Variants in SCAMP5 observed in about 807,000 individuals in gnomAD.
SCAMP5 encodes the protein secretory carrier membrane protein 5, also known as secretory carrier-associated membrane protein 5.
A neutral mutation model predicts 28.3 loss-of-function variants in SCAMP5; 7 were observed. The observed-to-expected ratio is 0.25, with a 90% CI of 0.14 to 0.46. The LOEUF (loss-of-function observed/expected upper bound fraction) is 0.46. Among genes scored for constraint, SCAMP5 ranks in the 20% least tolerant of loss-of-function variants. The probability of loss-of-function intolerance (pLI) is 0.99; values close to 1 mark genes in which losing one functional copy is unlikely to be tolerated. For missense variants in SCAMP5, 192 were observed against 312.5 expected, an observed-to-expected ratio of 0.61 and a Z score of 2.91; for synonymous variants, 117 against 116.4, an observed-to-expected ratio of 1.00 and a Z score of -0.03.
intron 1 of SCAMP5, among the ~76,000 whole-genome samples, chr15:74,998,946 A>G (rs1206480038): frequency 1.3e-5 from 2 of 151,420 alleles, no homozygotes; most frequent in African/African-American, 4.9e-5. Context: ...TAGGGAGAAG[A>G]CTCCTCCTTT....
chr15:75,019,295 G>T lies in SCAMP5; in HGVS notation c.*312G>T. On this transcript the variant is annotated 3_prime_UTR_variant, in exon 7 of 7. Transcript: ENST00000425597. ...TTGTGGTGCTAGATGTGTGTTTAGA[G>T]CTAAACCAGCCCCCACCCCCACCCT... 1 of 180,586 alleles carries T rather than the reference G, an allele frequency of 5.5e-6. No homozygotes were observed. The highest frequency in any genetic ancestry group is 1.1e-5 in the Non-Finnish European group (1 of 87,286). The allele number at this position is 180,586 out of a possible 1,614,324, so 11.2% of individuals were successfully genotyped here. A position where few individuals can be genotyped will look rare whatever the true frequency, so the allele number is the denominator to read the frequency against.
rs2065895666 is a variant in SCAMP5, at chr15:75,020,379, A to G, written c.*1396A>G. ...GGGCACTTGAACTCAGGGCCCAAGC[A>G]GAAGCACAGGCCCAGTCCTGGCTGC... On this transcript the variant is annotated 3_prime_UTR_variant, in exon 7 of 7. Coordinates refer to ENST00000425597, the MANE Select transcript of SCAMP5 (RefSeq NM_138967.4). 6.5e-6 allele frequency: 1 copy of G among 152,674 alleles called. No individual in the cohort carries two copies. Among genetic ancestry groups the G allele is most frequent in the African/African-American group, 2.4e-5 (1 of 41,446 alleles). 9.5% of individuals were successfully genotyped at this position (152,674 alleles called of 1,614,324 possible). A position where few individuals can be genotyped will look rare whatever the true frequency, so the allele number is the denominator to read the frequency against.
intron 1 of SCAMP5, among the ~76,000 whole-genome samples, chr15:75,010,355 G>A (rs1476069885): frequency 6.6e-6 from 1 of 152,090 alleles, no homozygotes; most frequent in Non-Finnish European, 1.5e-5. Flanking sequence ...ATCCACTCGG[G>A]GTTAAGTGGG....
At chr15:75,002,097 C>A (rs1407656915) in intron 1 of SCAMP5, among the ~76,000 whole-genome samples, 1 of 151,852 alleles carries the variant, frequency 6.6e-6, no homozygotes. Context: ...TAGAGTGAGA[C>A]CCTGTCTCAA....
Position 75,020,261 on chromosome 15 carries a change from G to A in SCAMP5, c.*1278G>A, listed in dbSNP as rs2065894595. 6.5e-6 allele frequency: 1 copy of A among 152,984 alleles called. No individual in the cohort carries two copies. The highest frequency in any genetic ancestry group is 6.5e-5 in the Admixed American group (1 of 15,272). The allele number at this position is 152,984 out of a possible 1,614,324, so 9.5% of individuals were successfully genotyped here. ...GACAGGGCTCAGAGGGCTAGGCACG[G>A]AGGGAAGGTCAGAGGAGAAGGCAGG... On this transcript the variant is annotated 3_prime_UTR_variant, in exon 7 of 7. Coordinates refer to ENST00000425597, the MANE Select transcript of SCAMP5 (RefSeq NM_138967.4).
chr15:74,998,679 C>T (rs2065674567), intron 1 of SCAMP5, among the ~76,000 whole-genome samples: 1 of 152,018 alleles, frequency 6.6e-6, no homozygotes, highest in Admixed American at 6.6e-5. Context: ...CCCCCACCCC[C>T]CATTTCAAAG....
intron 4 of SCAMP5, 83 bp downstream of exon 4, chr15:75,016,832 T>C: frequency 1.8e-5 from 13 of 710,594 alleles, no homozygotes; most frequent in Admixed American, 3.9e-5. Context: ...CTCACTTCTT[T>C]TTTTTTTTTT....
In SCAMP5 at chr15:75,018,746, T is replaced by C; in HGVS notation, c.514-43T>C. 6.8e-7 allele frequency: 1 copy of C among 1,481,024 alleles called. No homozygotes were observed. Among genetic ancestry groups the C allele is most frequent in the Non-Finnish European group, 9.4e-7 (1 of 1,065,662 alleles). The allele number at this position is 1,481,024 out of a possible 1,614,324, so 91.7% of individuals were successfully genotyped here. On this transcript the variant is annotated intron_variant, in intron 6 of 6. Coordinates refer to ENST00000425597, the MANE Select transcript of SCAMP5 (RefSeq NM_138967.4). The surrounding 1 kb of genome is among the most constrained non-coding windows in gnomAD (Gnocchi z 5.6). ...CCATCTATTTCCTGGATGGGCTGCC[T>C]TTTCTCTTTGATTAACCCTTCTTTA...
intron 2 of SCAMP5, 146 bp downstream of exon 2, chr15:75,011,992 C>T (rs915836659): frequency 1.7e-6 from 1 of 601,858 alleles, no homozygotes; most frequent in Non-Finnish European, 3.0e-6. Context: ...ACTCTCTCCA[C>T]TGAGGCCTGT....
At chr15:75,012,356 C>T (rs565556931) in intron 2 of SCAMP5, among the ~76,000 whole-genome samples, 9 of 152,342 alleles carry the variant, frequency 5.9e-5, no homozygotes, top group East Asian at 1.9e-4. Flanking sequence ...CTCACACATC[C>T]GCTTCTTCTG....
At position 75,020,184 on chromosome 15, in the gene SCAMP5, C is replaced by T. The variant is rs1388795575; in HGVS notation, c.*1201C>T. On this transcript the variant is annotated 3_prime_UTR_variant, in exon 7 of 7. Transcript: ENST00000425597. ...CACAGTGAGGCATTTAGGTATCTCTCGGTGACCGTTGGATTCCTGGAAGCA... is the reference window on the plus strand; with the variant it reads ...CACAGTGAGGCATTTAGGTATCTCTTGGTGACCGTTGGATTCCTGGAAGCA... 6.6e-6 allele frequency: 1 copy of T among 152,428 alleles called. No homozygotes were observed. Among genetic ancestry groups the T allele is most frequent in the Non-Finnish European group, 1.5e-5 (1 of 68,314 alleles). The allele number at this position is 152,428 out of a possible 1,614,324, so 9.4% of individuals were successfully genotyped here.
Position 74,996,551 on chromosome 15 carries a change from G to A in SCAMP5, c.-49+878G>A, listed in dbSNP as rs1184643447. ...GAATAGGAGACTTCCAGAGGTGATG[G>A]GATTTGGGTGGGAGGAGAGGCAAGA... On this transcript the variant is annotated intron_variant, in intron 1 of 6. Transcript: ENST00000425597. The surrounding 1 kb of genome is among the most constrained non-coding windows in gnomAD (Gnocchi z 4.1). 6.6e-6 allele frequency among the ~76,000 whole-genome samples: 1 copy of A among 152,182 alleles called. No homozygotes were observed. Among genetic ancestry groups the A allele is most frequent in the Non-Finnish European group, 1.5e-5 (1 of 68,030 alleles).
Position 75,011,818 on chromosome 15 carries a change from C to A in SCAMP5, c.-22C>A. On this transcript the variant is annotated 5_prime_UTR_variant, in exon 2 of 7. Transcript: ENST00000425597. The stretch of plus-strand genomic sequence containing the variant: ...TCAGGACAAAGAGGTGTGGGCAGGC[C>A]ACTGGGCCAGCTGGTAACATCATGG... 6.2e-7 allele frequency: 1 copy of A among 1,611,466 alleles called. No homozygotes were observed. Among genetic ancestry groups the A allele is most frequent in the Non-Finnish European group, 8.5e-7 (1 of 1,177,836 alleles).
At chr15:75,003,639 G>T (rs759560302) in intron 1 of SCAMP5, among the ~76,000 whole-genome samples, 1 of 151,906 alleles carries the variant, frequency 6.6e-6, no homozygotes, top group Non-Finnish European at 1.5e-5. Context: ...GCGAGACCTC[G>T]TCTCTACAAA....
chr15:74,997,560 G>A (rs986090523), intron 1 of SCAMP5, among the ~76,000 whole-genome samples: 2 of 152,180 alleles, frequency 1.3e-5, no homozygotes, highest in African/African-American at 2.4e-5. Flanking sequence ...TTTTTGGAAA[G>A]GCTTCCCAGA....
chr15:74,995,606 G>T lies in SCAMP5; in HGVS notation c.-116G>T, dbSNP rs1035212298. On this transcript the variant is annotated 5_prime_UTR_variant, in exon 1 of 7. Transcript: ENST00000425597. ...AGCGGCTCGCGGCCGGCTCCGCGCC[G>T]CATCGCTCGGGTGCAGCGCAGCTCA... 3.5e-5 allele frequency: 5 copies of T among 144,848 alleles called. No homozygotes were observed. The East Asian group carries it at 8.8e-4, about 26-fold the overall frequency. 9.0% of individuals were successfully genotyped at this position (144,848 alleles called of 1,614,324 possible).
intron 4 of SCAMP5, among the ~76,000 whole-genome samples, chr15:75,017,383 G>A (rs2065868072): frequency 1.3e-5 from 2 of 152,222 alleles, no homozygotes; most frequent in South Asian, 4.2e-4. Flanking sequence ...TGCTAATGGG[G>A]CCTTAAATCT....
chr15:75,011,453 C>T (rs2065810912), intron 1 of SCAMP5, among the ~76,000 whole-genome samples: 1 of 152,192 alleles, frequency 6.6e-6, no homozygotes, highest in Non-Finnish European at 1.5e-5. Flanking sequence ...AGCCTGTGAC[C>T]AAGGCCGAGG....
Position 75,012,554 on chromosome 15 carries a change from G to A in SCAMP5, c.8-123G>A, listed in dbSNP as rs1291191628. The A allele has an allele frequency of 3.4e-6, 4 of 1,175,696 alleles. No homozygotes were observed. The East Asian group carries it at 7.0e-5, about 21-fold the overall frequency. 72.8% of individuals were successfully genotyped at this position (1,175,696 alleles called of 1,614,324 possible). ...CGGGGAGGTAGGGACGGCTGGGTGG[G>A]GAAAGCAGAGTGGCCGGTGGCCACA... On this transcript the variant is annotated intron_variant, in intron 2 of 6. Coordinates refer to ENST00000425597, the MANE Select transcript of SCAMP5 (RefSeq NM_138967.4).
Sources: allele counts gnomAD v4.1 joint callset (sites outside exome capture counted in the v4.1 genomes callset), GRCh38; gene constraint gnomAD v4.1.1; non-coding constraint Gnocchi (gnomAD v3.1); transcripts MANE v1.5; gene names NCBI Gene and HGNC (gene_info 2026-07-23, HGNC 2026-07-21).